CPSF1: variants seen among roughly 807,000 people sequenced by gnomAD.
CPSF1 encodes the protein cleavage and polyadenylation specificity factor subunit 1.
In CPSF1, 106 loss-of-function variants were observed where a neutral mutation model predicts 175.8. The ratio of observed to expected loss-of-function variants is 0.60; its 90% CI spans 0.52 to 0.71. The LOEUF is 0.71. Ranked by LOEUF, CPSF1 falls within the 30% of genes least tolerant of loss-of-function variation. The pLI, the probability that CPSF1 is intolerant of heterozygous loss-of-function variation, is 0.00. For missense variants in CPSF1, 1,734 were observed against 2,022.9 expected (o/e 0.86, Z 2.74); for synonymous variants, 1,024 against 858.3 (o/e 1.19, Z -3.37).
chr8:144,400,522 C>T, intron 7 of CPSF1, 29 bp from the exon 8 acceptor site: 2 of 1,611,200 alleles, frequency 1.2e-6, no homozygotes, highest in East Asian at 2.2e-5. Flanking sequence ...CAGCCAAGGG[C>T]CTTGCCTCCC....
rs1820929763 is a variant in CPSF1, at chr8:144,398,410, C to T, written c.1786G>A (p.Asp596Asn). The stretch of plus-strand genomic sequence containing the variant: ...CCCTGAGTGGCGAAGCCACTGGTGT[C>T]CAGCTCCATGATCTCCTGCCCCGTC... The part of the protein sequence containing the change: ...LQTGQEIMEL[D>N]TSGFATQGPT... Residue 596 changes from aspartate (D) to asparagine (N), a missense_variant, in exon 19 of 38, where the codon GAC becomes AAC. Asp to Asn is a conservative substitution (Grantham distance 23). This residue lies in a region of CPSF1 where 280 missense variants were observed against 349.2 expected (regional missense o/e 0.80). Coordinates refer to ENST00000616140, the MANE Select transcript of CPSF1 (RefSeq NM_013291.3). 6.2e-7 allele frequency: 1 copy of T among 1,613,760 alleles called. No homozygotes were observed. The highest frequency in any genetic ancestry group is 8.5e-7 in the Non-Finnish European group (1 of 1,180,014).
In CPSF1 at chr8:144,394,011, A is replaced by G. The variant is rs782669321; in HGVS notation, c.3887T>C (p.Leu1296Pro). The G allele has an allele frequency of 6.2e-7, 1 of 1,612,758 alleles. No individual in the cohort carries two copies. Among genetic ancestry groups the G allele is most frequent in the Non-Finnish European group, 8.5e-7 (1 of 1,179,314 alleles). Reference protein sequence around the residue: ...EAKESFGGMRLLRRADFHVGA... With the variant: ...EAKESFGGMRPLRRADFHVGA... ...CACGTGGAAGTCTGCCCGACGCAGC[A>G]GGCGCATGCCCCCGAAACTCTCCTT... Residue 1296 changes from leucine (L) to proline (P), a missense_variant, in exon 35 of 38, where the codon CTG (leucine) becomes CCG (proline). Around this residue, in one of 10 missense-constraint regions of CPSF1, gnomAD observed 323 missense variants for 338.5 expected, o/e 0.95. Transcript: ENST00000616140.
intron 34 of CPSF1, 27 bp downstream of exon 34, chr8:144,394,086 G>C (rs1820534478): frequency 6.2e-7 from 1 of 1,611,660 alleles, no homozygotes; most frequent in East Asian, 2.2e-5. Context: ...CCCCGGCCCA[G>C]GCAGAGGGGG....
chr8:144,401,666 G>A lies in CPSF1; in HGVS notation c.152C>T (p.Thr51Ile). 2 of 1,608,982 alleles carry A rather than the reference G, an allele frequency of 1.2e-6. No individual in the cohort carries two copies. The highest frequency in any genetic ancestry group is 2.7e-5 in the African/African-American group (2 of 74,942). Residue 51 changes from threonine to isoleucine, a missense_variant, in exon 3 of 38, where the codon ACC (threonine) becomes ATC (isoleucine). Coordinates refer to ENST00000616140, the MANE Select transcript of CPSF1 (RefSeq NM_013291.3). The stretch of plus-strand genomic sequence containing the variant: ...CTCACCTGTGCTCCTGTCATTCTTG[G>A]TCAGAGCCTGGAGGGGAGAGAAAGA... ...YRLNRDAEAL[T>I]KNDRSTEGKA...
chr8:144,402,133 G>A (rs1554867486), intron 2 of CPSF1, among the ~76,000 whole-genome samples: 1 of 148,028 alleles, frequency 6.8e-6, no homozygotes, highest in Non-Finnish European at 1.5e-5. Flanking sequence ...GCGCTATCCT[G>A]ACGCCTCGGG....
At chr8:144,397,041 C>T (rs1820810161) in intron 23 of CPSF1, 112 bp from the exon 24 acceptor site, 1 of 914,134 alleles carries the variant, frequency 1.1e-6, no homozygotes, top group South Asian at 1.6e-5. Flanking sequence ...TGGGGTGGAG[C>T]CATGTATGGG....
In CPSF1 at chr8:144,394,280, C is replaced by T; in HGVS notation, c.3765G>A (p.Val1255=). 10 of 1,599,826 alleles carry T rather than the reference C, an allele frequency of 6.3e-6. No homozygotes were observed. Among genetic ancestry groups the T allele is most frequent in the Non-Finnish European group, 8.5e-6 (10 of 1,171,888 alleles). Residue 1255 remains valine, a synonymous_variant, in exon 33 of 38, where the codon GTG becomes GTA. Coordinates refer to ENST00000616140, the MANE Select transcript of CPSF1 (RefSeq NM_013291.3). ...TGTCCACCATGAAGTCCACGCTGTA[C>T]ACCTCCAGGGGCTTGGCATCCTGGG... ...LVSRDAKPLE[V]YSVDFMVDNA... is the part of the protein sequence containing the mutation.
chr8:144,397,979 G>A lies in CPSF1; in HGVS notation c.2048C>T (p.Ala683Val), dbSNP rs1554864694. Residue 683 changes from alanine to valine, a missense_variant, in exon 20 of 38, where the codon GCG becomes GTG. This residue lies in a region of CPSF1 where 280 missense variants were observed against 349.2 expected (regional missense o/e 0.80). Transcript: ENST00000616140. ...DSYGGRHHRL[A>V]LHKPPLHHQS... ...ATGGTGCAGCGGGGGCTTGTGCAGC[G>A]CCAGGCGGTGGTGGCGGCCACCGTA... is the stretch of plus-strand genomic sequence containing the variant. 6 of 1,610,080 alleles carry A rather than the reference G, an allele frequency of 3.7e-6. No homozygotes were observed. Among genetic ancestry groups the A allele is most frequent in the East Asian group, 2.2e-5 (1 of 44,876 alleles).
At chr8:144,400,129 C>T in intron 9 of CPSF1, 37 bp downstream of exon 9, 2 of 1,065,496 alleles carry the variant, frequency 1.9e-6, no homozygotes. Flanking sequence ...CCCAAGCCGT[C>T]CCCGGGCCCC....
At position 144,399,873 on chromosome 8, in the gene CPSF1, G is replaced by A. The variant is rs2116867298; in HGVS notation, c.1032-5C>T. The A allele has an allele frequency of 6.4e-7, 1 of 1,555,364 alleles. No individual in the cohort carries two copies. The highest frequency in any genetic ancestry group is 2.4e-5 in the East Asian group (1 of 41,280). On this transcript the variant is annotated splice_polypyrimidine_tract_variant and splice_region_variant and intron_variant, in intron 10 of 37. Transcript: ENST00000616140. This position sits in a 1 kb window ranked among gnomAD's most constrained non-coding sequence, Gnocchi z 6.4. ...GTGATGAGGGTCAGCACGTAGCTGGGGGCAGGGAGAATTCTGAGTCGGGGA... is the reference window on the plus strand; with the variant it reads ...GTGATGAGGGTCAGCACGTAGCTGGAGGCAGGGAGAATTCTGAGTCGGGGA...
chr8:144,397,249 C>T lies in CPSF1; in HGVS notation c.2550G>A (p.Leu850=). The T allele has an allele frequency of 3.2e-6, 5 of 1,550,656 alleles. No individual in the cohort carries two copies. Among genetic ancestry groups the T allele is most frequent in the Non-Finnish European group, 4.4e-6 (5 of 1,147,994 alleles). ...QGELPLVKEV[L]LVALGSRQSR... is the part of the protein sequence containing the mutation. ...TCTGGCGGCTGCCCAGCGCCACCAG[C>T]AGCACCTCCTTGACGAGGGGCAGCT... The change falls in exon 23 of 38, where the codon CTG becomes CTA. Residue 850 remains leucine (L), a synonymous_variant. Coordinates refer to ENST00000616140, the MANE Select transcript of CPSF1 (RefSeq NM_013291.3).
At chr8:144,398,223 A>T (rs587734582) in intron 19 of CPSF1, 79 bp downstream of exon 19, 2 of 1,460,034 alleles carry the variant, frequency 1.4e-6, no homozygotes, top group Non-Finnish European at 9.2e-7. Context: ...GGGCCCAACC[A>T]CCTCCCCCCC....
At chr8:144,405,501 G>T in intron 2 of CPSF1, among the ~76,000 whole-genome samples, 1 of 152,148 alleles carries the variant, frequency 6.6e-6, no homozygotes, top group East Asian at 1.9e-4. Context: ...GCAGGCGCCT[G>T]TAATCCCAGC....
chr8:144,401,701 G>T (rs2116886863), intron 2 of CPSF1, 28 bp from the exon 3 acceptor site: 5 of 1,593,544 alleles, frequency 3.1e-6, no homozygotes, highest in Non-Finnish European at 4.3e-6. Flanking sequence ...ACAGGGCAGT[G>T]AGGGGCCACA....
chr8:144,401,758 T>C lies in CPSF1; in HGVS notation c.145-85A>G, dbSNP rs2116887121. On this transcript the variant is annotated intron_variant, in intron 2 of 37. Coordinates refer to ENST00000616140, the MANE Select transcript of CPSF1 (RefSeq NM_013291.3). Reference sequence around the variant, plus strand: ...GGGAACGAGAAAAGACCACCAAGCCTGGCCCCTGCCTCCTGGGAGCTCTGC... The same window carrying C: ...GGGAACGAGAAAAGACCACCAAGCCCGGCCCCTGCCTCCTGGGAGCTCTGC... The C allele has an allele frequency of 1.3e-5, 18 of 1,422,540 alleles. No homozygotes were observed. The African/African-American group carries it at 2.3e-4, about 18-fold the overall frequency. The allele number at this position is 1,422,540 out of a possible 1,614,324, so 88.1% of individuals were successfully genotyped here.
At position 144,401,120 on chromosome 8, in the gene CPSF1, C is replaced by T. The variant is rs2116881513; in HGVS notation, c.388-45G>A. 45 of 1,549,248 alleles carry T rather than the reference C, an allele frequency of 2.9e-5. No individual in the cohort carries two copies. In the African/African-American group the frequency reaches 5.4e-4, roughly 19 times the overall value. Reference sequence around the variant, plus strand: ...CAGCCAGGCCCAGCATAGGAGACCCCGAGGGAAACACTTGGGGCCACAGAA... The same window carrying T: ...CAGCCAGGCCCAGCATAGGAGACCCTGAGGGAAACACTTGGGGCCACAGAA... On this transcript the variant is annotated intron_variant, in intron 5 of 37. Transcript: ENST00000616140.
intron 2 of CPSF1, among the ~76,000 whole-genome samples, chr8:144,404,661 C>T (rs1033905817): frequency 4.6e-5 from 7 of 151,334 alleles, no homozygotes; most frequent in African/African-American, 7.3e-5. Flanking sequence ...TGAGCCACTG[C>T]GCCCGGCCAC....
chr8:144,400,606 G>A (rs1821143458), intron 7 of CPSF1, 65 bp downstream of exon 7: 3 of 1,595,830 alleles, frequency 1.9e-6, no homozygotes, highest in South Asian at 2.2e-5. Flanking sequence ...AACCCCATGG[G>A]CCCCACCCCA....
chr8:144,401,021 G>C lies in CPSF1; in HGVS notation c.442C>G (p.Arg148Gly). Residue 148 changes from arginine (R) to glycine (G), a missense_variant, in exon 6 of 38, where the codon CGC (arginine) becomes GGC (glycine). By Grantham distance (125) the Arg-to-Gly change is moderately radical (BLOSUM62 -2). Coordinates refer to ENST00000616140, the MANE Select transcript of CPSF1 (RefSeq NM_013291.3). ...CCGTAGACAAGCATGGCTGCACAGC[G>C]CCCGTCGGGGTCCACCCGCACTCGC... ...TPRVRVDPDG[R>G]CAAMLVYGTR... The C allele has an allele frequency of 6.2e-7, 1 of 1,609,380 alleles. No individual in the cohort carries two copies. Among genetic ancestry groups the C allele is most frequent in the Non-Finnish European group, 8.5e-7 (1 of 1,177,730 alleles).
Sources: gnomAD v4.1 joint callset for allele counts (sites outside exome capture counted in the v4.1 genomes callset) on GRCh38, gnomAD v4.1.1 for gene constraint, gnomAD v4.1.1 regional missense constraint, Gnocchi (gnomAD v3.1) non-coding constraint, MANE v1.5 for transcripts, NCBI Gene and HGNC (gene_info 2026-07-23, HGNC 2026-07-21) for gene names.